NRG1: variants seen among roughly 807,000 people sequenced by gnomAD.
The protein encoded by NRG1 is pro-neuregulin-1, membrane-bound isoform.
NRG1 carries 18 observed loss-of-function variants against 63.8 expected under a neutral mutation model. The observed-to-expected ratio is 0.28, with a 90% confidence interval of 0.19 to 0.42. The LOEUF (loss-of-function observed/expected upper bound fraction) is 0.42, where lower values mean the gene tolerates loss of function less well. NRG1 is among the 10% of genes least tolerant of loss of function. The probability of loss-of-function intolerance (pLI) is 1.00; values close to 1 mark genes in which losing one functional copy is unlikely to be tolerated. For synonymous variants in NRG1, 302 were observed against 301.3 expected (o/e 1.00, Z -0.02); for missense variants, 762 against 814.7 (o/e 0.94, Z 0.79).
At chr8:32,441,416 G>A (rs1394298814) in intron 1 of NRG1, 2 of 152,048 alleles carry the variant, frequency 1.3e-5, no homozygotes, top group Non-Finnish European at 2.9e-5. Context: ...TATGTAGACA[G>A]TTTGCAGCCT....
In NRG1 at chr8:32,032,616, G is replaced by A. The variant is rs111513213; in HGVS notation, c.37+393185G>A. ...CTGTTCATGTCCTTTGCCCACAATT[G>A]TATTGTTAGTTTTTTTCTTGTGAAT... is the stretch of plus-strand genomic sequence containing the variant. On this transcript the variant is annotated intron_variant, in intron 1 of 10. Coordinates refer to the NRG1 transcript ENST00000519301. 4.9e-3 allele frequency among the ~76,000 whole-genome samples: 750 copies of A among 152,184 alleles called. 5 individuals are homozygous for A. Among genetic ancestry groups the A allele is most frequent in the African/African-American group, 0.017 (703 of 41,530 alleles).
intron 1 of NRG1, among the ~76,000 whole-genome samples, chr8:32,007,775 G>A (rs939085944): frequency 2.0e-5 from 3 of 151,866 alleles, no homozygotes; most frequent in Non-Finnish European, 4.4e-5. Context: ...CTACCAGCTG[G>A]GATATCTATG....
chr8:32,215,820 T>C (rs1400016830), intron 1 of NRG1, among the ~76,000 whole-genome samples: 1 of 152,074 alleles, frequency 6.6e-6, no homozygotes, highest in Non-Finnish European at 1.5e-5. Context: ...GGCAAGAGGA[T>C]AACTTGAGCC....
At chr8:31,699,297 C>T (rs1810393382) in intron 1 of NRG1, among the ~76,000 whole-genome samples, 2 of 152,056 alleles carry the variant, frequency 1.3e-5, no homozygotes, top group African/African-American at 2.4e-5. Flanking sequence ...CTTTTAGAAG[C>T]CCAGGTAACA....
At chr8:31,670,571 G>T (rs1185738341) in intron 1 of NRG1, among the ~76,000 whole-genome samples, 2 of 146,172 alleles carry the variant, frequency 1.4e-5, no homozygotes. Context: ...CATTCTCTTT[G>T]TTTTTTTTTT....
At chr8:31,913,612 A>G (rs1382328982) in intron 1 of NRG1, among the ~76,000 whole-genome samples, 1 of 152,192 alleles carries the variant, frequency 6.6e-6, no homozygotes, top group Non-Finnish European at 1.5e-5. Context: ...ACTGGAGAAG[A>G]CAAAGATGCA....
chr8:32,742,100 G>C lies in NRG1; in HGVS notation c.633-575G>C, dbSNP rs1030368323. The C allele has an allele frequency of 1.3e-6, 2 of 1,596,162 alleles. No individual in the cohort carries two copies. Among genetic ancestry groups the C allele is most frequent in the East Asian group, 2.2e-5 (1 of 44,678 alleles). On this transcript the variant is annotated intron_variant, in intron 6 of 11. Coordinates refer to ENST00000356819, the Ensembl canonical transcript of NRG1. The surrounding 1 kb of genome is among the most constrained non-coding windows in gnomAD (Gnocchi z 4.2). ...AGTATGTCAAAATAATCTGAAATTT[G>C]CTTTCTCCCCCAACTACAGCAACAA... is the stretch of plus-strand genomic sequence containing the variant.
chr8:31,876,550 G>A (rs985556567), intron 1 of NRG1, among the ~76,000 whole-genome samples: 1 of 152,176 alleles, frequency 6.6e-6, no homozygotes, highest in Non-Finnish European at 1.5e-5. Flanking sequence ...GTGAATGGAA[G>A]AGTAAATAAT....
In NRG1 at chr8:31,801,588, A is replaced by G. The variant is rs965485855; in HGVS notation, c.37+162157A>G. Among the ~76,000 whole-genome samples, 11 of 152,342 alleles carry G rather than the reference A, an allele frequency of 7.2e-5. No individual in the cohort carries two copies. The East Asian group carries it at 2.1e-3, about 29-fold the overall frequency. ...GTTAGAATTTCAGAATCATTTGATCAGCTCTGGCTTTGAGCCTCTGATTCT... is the reference window on the plus strand; with the variant it reads ...GTTAGAATTTCAGAATCATTTGATCGGCTCTGGCTTTGAGCCTCTGATTCT... On this transcript the variant is annotated intron_variant, in intron 1 of 10. Transcript: ENST00000519301.
At chr8:32,017,917 C>A (rs183492965) in intron 1 of NRG1, among the ~76,000 whole-genome samples, 1 of 152,276 alleles carries the variant, frequency 6.6e-6, no homozygotes, top group East Asian at 1.9e-4. Flanking sequence ...GCCTGTCTCC[C>A]ATCCCTGGAG....
intron 1 of NRG1, among the ~76,000 whole-genome samples, chr8:32,515,708 G>A (rs1588073625): frequency 6.6e-6 from 1 of 152,188 alleles, no homozygotes; most frequent in African/African-American, 2.4e-5. Context: ...CAGAAGTGTT[G>A]GGATTACAGG....
At chr8:31,798,261 G>T (rs115699623) in intron 1 of NRG1, among the ~76,000 whole-genome samples, 13 of 152,008 alleles carry the variant, frequency 8.6e-5, no homozygotes, top group Non-Finnish European at 1.6e-4. Context: ...TGATAGATAC[G>T]GTGATTACCC....
At chr8:32,220,408 T>C (rs75156724) in intron 1 of NRG1, among the ~76,000 whole-genome samples, 4 of 151,952 alleles carry the variant, frequency 2.6e-5, no homozygotes, top group African/African-American at 9.7e-5. Context: ...ACAGCCTGCA[T>C]AATATAAGGG....
intron 1 of NRG1, among the ~76,000 whole-genome samples, chr8:31,902,144 G>A (rs998706723): frequency 6.6e-6 from 1 of 152,146 alleles, no homozygotes; most frequent in Admixed American, 6.5e-5. Flanking sequence ...AGGATGGTAA[G>A]AATTTAGTAA....
At chr8:32,423,673 G>C (rs1210688480) in intron 1 of NRG1, among the ~76,000 whole-genome samples, 1 of 151,998 alleles carries the variant, frequency 6.6e-6, no homozygotes, top group Non-Finnish European at 1.5e-5. Context: ...AATAATAAAA[G>C]TCACAACTTT....
In NRG1 at chr8:31,686,047, T is replaced by C. The variant is rs557344296; in HGVS notation, c.37+46616T>C. ...ATTGCTGGGTAACAATACTTAATAC[T>C]TGATGGTAACTATATTTAATAATTC... On this transcript the variant is annotated intron_variant, in intron 1 of 10. Coordinates refer to the NRG1 transcript ENST00000519301. Among the ~76,000 whole-genome samples, 3 of 152,274 alleles carry C rather than the reference T, an allele frequency of 2.0e-5. No homozygotes were observed. The South Asian group carries it at 6.2e-4, about 32-fold the overall frequency.
chr8:32,495,321 C>T (rs545582838), intron 1 of NRG1, among the ~76,000 whole-genome samples: 2 of 152,238 alleles, frequency 1.3e-5, no homozygotes, highest in South Asian at 4.1e-4. Flanking sequence ...CCTGCACATG[C>T]TGTCTTGCCT....
At chr8:32,658,439 T>C (rs1249311398) in intron 5 of NRG1, among the ~76,000 whole-genome samples, 1 of 152,240 alleles carries the variant, frequency 6.6e-6, no homozygotes, top group East Asian at 1.9e-4. Flanking sequence ...GTTATAACTT[T>C]GTTGACCCCT....
chr8:32,233,563 A>ATATATATATATTT (rs34593729), intron 1 of NRG1, among the ~76,000 whole-genome samples: 20 of 67,248 alleles, frequency 3.0e-4, no homozygotes, highest in South Asian at 1.2e-3. Flanking sequence ...ATATATATAT[A>ATATATATATATTT]TTTTTTTTTT....
Sources: allele counts gnomAD v4.1 joint callset (sites outside exome capture counted in the v4.1 genomes callset), GRCh38; gene constraint gnomAD v4.1.1; non-coding constraint Gnocchi (gnomAD v3.1); transcripts MANE v1.5; gene names NCBI Gene and HGNC (gene_info 2026-07-23, HGNC 2026-07-21).